EYS: variants seen among roughly 807,000 people sequenced by gnomAD.
EYS encodes the protein protein eyes shut homolog.
Under a neutral mutation model 282.1 loss-of-function variants are expected in EYS, and 250 were observed. The observed-to-expected ratio is 0.89, with a 90% confidence interval of 0.80 to 0.98. The LOEUF is 0.98. Among genes scored for constraint, EYS ranks in the 50% least tolerant of loss-of-function variants. EYS has a pLI of 0.00. For missense variants in EYS, 4,016 were observed against 3,709.0 expected, an observed-to-expected ratio of 1.08 and a Z score of -2.15; for synonymous variants, 1,355 against 1,282.9, an observed-to-expected ratio of 1.06 and a Z score of -1.20.
intron 30 of EYS, among the ~76,000 whole-genome samples, chr6:64,247,060 G>C (rs909709651): frequency 1.3e-5 from 2 of 151,998 alleles, no homozygotes; most frequent in African/African-American, 4.8e-5. Flanking sequence ...ATGTCAAATG[G>C]AAACATTTAT....
intron 39 of EYS, among the ~76,000 whole-genome samples, chr6:63,784,609 A>AG (rs1204445906): frequency 6.6e-6 from 1 of 152,006 alleles, no homozygotes; most frequent in South Asian, 2.1e-4. Flanking sequence ...AAAAGAGTGA[A>AG]GGGGGGTGAT....
At chr6:65,195,920 A>G (rs373065337) in intron 12 of EYS, among the ~76,000 whole-genome samples, 1 of 152,054 alleles carries the variant, frequency 6.6e-6, no homozygotes, top group African/African-American at 2.4e-5. Flanking sequence ...AAAATTGCCA[A>G]TCTCAGAGAC....
chr6:64,758,746 T>A lies in EYS; in HGVS notation c.3443+54632A>T, dbSNP rs550495267. 3.8e-4 allele frequency among the ~76,000 whole-genome samples: 58 copies of A among 152,298 alleles called. 1 individual carries two copies. The highest frequency in any genetic ancestry group is 1.4e-3 in the African/African-American group (58 of 41,580). On this transcript the variant is annotated intron_variant, in intron 22 of 42. Transcript: ENST00000503581. Reference sequence around the variant, plus strand: ...AGAATAATGGGAGATGGAGCTAAAGTCTATTTTTGTTTTATTAAATAAAGA... The same window carrying A: ...AGAATAATGGGAGATGGAGCTAAAGACTATTTTTGTTTTATTAAATAAAGA...
intron 15 of EYS, among the ~76,000 whole-genome samples, chr6:64,926,520 G>T (rs1768521827): frequency 6.6e-6 from 1 of 152,162 alleles, no homozygotes; most frequent in South Asian, 2.1e-4. Flanking sequence ...AGCCTGGATT[G>T]CCCAGCTTCC....
At chr6:65,403,538 T>G (rs570532719) in intron 6 of EYS, among the ~76,000 whole-genome samples, 19 of 152,078 alleles carry the variant, frequency 1.2e-4, no homozygotes, top group African/African-American at 2.2e-4. Flanking sequence ...CAATCAAAAT[T>G]TATTTAATTT....
chr6:65,385,676 A>T (rs150684149), intron 7 of EYS, among the ~76,000 whole-genome samples: 32 of 152,064 alleles, frequency 2.1e-4, no homozygotes, highest in African/African-American at 7.7e-4. Flanking sequence ...CAAATTTTAC[A>T]GTGGTTAATA....
chr6:64,549,972 G>T (rs1282171987), intron 26 of EYS, among the ~76,000 whole-genome samples: 6 of 151,988 alleles, frequency 3.9e-5, no homozygotes, highest in East Asian at 1.9e-4. Context: ...CACCTATGAG[G>T]GAGAACATGC....
At chr6:65,188,917 C>A (rs2150238198) in intron 12 of EYS, among the ~76,000 whole-genome samples, 1 of 151,612 alleles carries the variant, frequency 6.6e-6, no homozygotes, top group Non-Finnish European at 1.5e-5. Context: ...CCCAGTGAGA[C>A]CCATTTTAAT....
At chr6:65,491,734 AT>A in intron 4 of EYS, 1 of 295,826 alleles carries the variant, frequency 3.4e-6, no homozygotes, top group Admixed American at 4.1e-5. Flanking sequence ...TATGAGCTAA[AT>A]TGTGCCCACC....
At chr6:64,369,663 A>G (rs1313990984) in intron 29 of EYS, among the ~76,000 whole-genome samples, 1 of 152,032 alleles carries the variant, frequency 6.6e-6, no homozygotes, top group Non-Finnish European at 1.5e-5. Flanking sequence ...CAAAACAGAC[A>G]CCAATAAAAT....
chr6:64,541,134 T>C (rs565811201), intron 26 of EYS, among the ~76,000 whole-genome samples: 1 of 152,308 alleles, frequency 6.6e-6, no homozygotes, highest in African/African-American at 2.4e-5. Context: ...GATCAAGCCT[T>C]AATAAATCTT....
intron 29 of EYS, among the ~76,000 whole-genome samples, chr6:64,385,619 G>C (rs374937794): frequency 2.0e-5 from 3 of 152,104 alleles, no homozygotes; most frequent in East Asian, 3.8e-4. Flanking sequence ...AGGAGAAAAA[G>C]TCTTTCGAAA....
intron 33 of EYS, among the ~76,000 whole-genome samples, chr6:64,056,889 CCTG>C (rs1210584580): frequency 6.6e-6 from 1 of 152,106 alleles, no homozygotes; most frequent in Non-Finnish European, 1.5e-5. Context: ...AGGGCTTTGT[CCTG>C]CAATCTCCTC....
At chr6:63,907,991 C>A (rs1033299573) in intron 35 of EYS, among the ~76,000 whole-genome samples, 1 of 70,284 alleles carries the variant, frequency 1.4e-5, no homozygotes. Context: ...TATATGTACA[C>A]ACACACACAC....
At chr6:65,459,955 GTGTT>G (rs898292025) in intron 5 of EYS, among the ~76,000 whole-genome samples, 1 of 121,936 alleles carries the variant, frequency 8.2e-6, no homozygotes, top group African/African-American at 2.9e-5. Flanking sequence ...GTGTGTGTGT[GTGTT>G]TGTGTATTTT....
At chr6:64,175,500 G>A (rs1169540238) in intron 31 of EYS, among the ~76,000 whole-genome samples, 3 of 152,150 alleles carry the variant, frequency 2.0e-5, no homozygotes, top group Non-Finnish European at 4.4e-5. Context: ...GAGAGCGTAC[G>A]TAAATTATTA....
chr6:64,075,168 C>T lies in EYS; in HGVS notation c.6571+6688G>A, dbSNP rs148073197. Among the ~76,000 whole-genome samples the T allele has an allele frequency of 4.1e-4, 62 of 152,058 alleles. No individual in the cohort carries two copies. In the East Asian group the frequency reaches 0.011, roughly 27 times the overall value. On this transcript the variant is annotated intron_variant, in intron 32 of 42. Coordinates refer to ENST00000503581, the MANE Select transcript of EYS (RefSeq NM_001142800.2). ...CCCCCTAAAGGTCTGGATTTGTATACAGCAGTAATTCCAGTAGCAACCTCA... is the reference window on the plus strand; with the variant it reads ...CCCCCTAAAGGTCTGGATTTGTATATAGCAGTAATTCCAGTAGCAACCTCA...
chr6:64,745,925 A>G (rs1391584889), intron 22 of EYS, among the ~76,000 whole-genome samples: 1 of 152,144 alleles, frequency 6.6e-6, no homozygotes, highest in Non-Finnish European at 1.5e-5. Context: ...CATCACACAT[A>G]TCCTTAGGAA....
intron 10 of EYS, among the ~76,000 whole-genome samples, chr6:65,338,770 AATTCCCTTT>A (rs1770087494): frequency 6.6e-6 from 1 of 151,112 alleles, no homozygotes; most frequent in East Asian, 1.9e-4. Context: ...AACAGCTGGA[AATTCCCTTT>A]TTGATAATTC....
Sources: gnomAD v4.1 joint callset for allele counts (sites outside exome capture counted in the v4.1 genomes callset) on GRCh38, gnomAD v4.1.1 for gene constraint, MANE v1.5 for transcripts, NCBI Gene and HGNC (gene_info 2026-07-23, HGNC 2026-07-21) for gene names.